Variants in LHX8 observed in about 807,000 individuals in gnomAD.
LHX8 encodes the protein LIM homeobox 8, also known as LIM/homeobox protein Lhx8.
In LHX8, 12 loss-of-function variants were observed where a neutral mutation model predicts 40.3. The observed-to-expected ratio is 0.30, with a 90% CI of 0.19 to 0.48. The LOEUF is 0.48. Among genes scored for constraint, LHX8 ranks in the 20% least tolerant of loss-of-function variants. LHX8 has a pLI of 0.99. For synonymous variants in LHX8, 179 were observed against 162.0 expected (o/e 1.10, Z -0.80); for missense variants, 344 against 433.7 (o/e 0.79, Z 1.84).
chr1:75,182,292 A>G, the LHX8 span, among the ~76,000 whole-genome samples: 1 of 152,138 alleles, frequency 6.6e-6, no homozygotes, highest in East Asian at 1.9e-4. Flanking sequence ...TTGCTTTGTC[A>G]AAGATCAGTT....
At chr1:75,182,390 T>G in the LHX8 span, among the ~76,000 whole-genome samples, 3 of 108,836 alleles carry the variant, frequency 2.8e-5, no homozygotes, top group South Asian at 2.9e-4. Context: ...TTTTTTTTTT[T>G]GAGACCGAGT....
At chr1:75,136,977 CT>C in intron 2 of LHX8, 122 bp from the exon 3 acceptor site, 1 of 628,896 alleles carries the variant, frequency 1.6e-6, no homozygotes, top group Non-Finnish European at 1.9e-6. Context: ...CCTCAAGAAG[CT>C]GGGGGTGGGG....
At chr1:75,137,973 G>T (rs1648202745) in intron 3 of LHX8, among the ~76,000 whole-genome samples, 1 of 152,208 alleles carries the variant, frequency 6.6e-6, no homozygotes, top group Non-Finnish European at 1.5e-5. Context: ...AGTGCTTGGG[G>T]AGAAAATGGA....
chr1:75,192,973 C>T, the LHX8 span, among the ~76,000 whole-genome samples: 1 of 152,190 alleles, frequency 6.6e-6, no homozygotes, highest in Non-Finnish European at 1.5e-5. Context: ...GGATTACAGG[C>T]ATGAGCCACC....
chr1:75,167,493 A>G, the LHX8 span, among the ~76,000 whole-genome samples: 13 of 152,050 alleles, frequency 8.5e-5, no homozygotes, highest in African/African-American at 3.1e-4. Flanking sequence ...TCTTTTCCTG[A>G]CTAACAATTC....
At chr1:75,159,014 C>A (rs1648844239) in intron 8 of LHX8, among the ~76,000 whole-genome samples, 1 of 152,122 alleles carries the variant, frequency 6.6e-6, no homozygotes, top group African/African-American at 2.4e-5. Flanking sequence ...ATCTTTAAAT[C>A]ATCTCATGAT....
chr1:75,159,264 G>T (rs995273599), intron 8 of LHX8: 1 of 151,986 alleles, frequency 6.6e-6, no homozygotes, highest in African/African-American at 2.4e-5. Flanking sequence ...TGACCTTCTT[G>T]CTCCTTCGAA....
intron 3 of LHX8, among the ~76,000 whole-genome samples, chr1:75,138,726 T>A (rs891919346): frequency 2.0e-5 from 3 of 152,220 alleles, no homozygotes; most frequent in African/African-American, 7.2e-5. Context: ...AGGGTTATGA[T>A]GAAGTGACAT....
At chr1:75,133,781 A>C (rs957742810), upstream of LHX8, among the ~76,000 whole-genome samples, 1 of 152,224 alleles carries the variant, frequency 6.6e-6, no homozygotes, top group African/African-American at 2.4e-5. Context: ...TGTCTAGGAG[A>C]TGAAAGAGCA....
chr1:75,169,431 G>C, the LHX8 span, among the ~76,000 whole-genome samples: 1 of 152,158 alleles, frequency 6.6e-6, no homozygotes, highest in African/African-American at 2.4e-5. Flanking sequence ...ACAGTATTTG[G>C]CATATTGTCA....
chr1:75,198,970 TG>T, the LHX8 span, among the ~76,000 whole-genome samples: 1 of 152,216 alleles, frequency 6.6e-6, no homozygotes, highest in Non-Finnish European at 1.5e-5. Flanking sequence ...AAGAGGCAGA[TG>T]TTTTTGAATA....
rs768548369 is a variant in LHX8 at position 75,160,878 on chromosome 1, C to T, written c.1024C>T (p.Pro342Ser). 1.2e-6 allele frequency: 2 copies of T among 1,611,648 alleles called. No individual in the cohort carries two copies. Among genetic ancestry groups the T allele is most frequent in the Middle Eastern group, 1.7e-4 (1 of 6,056 alleles). The change falls in exon 9 of 9, where the codon CCA (proline) becomes TCA (serine). Residue 342 changes from proline to serine, a missense_variant. Pro to Ser is a moderately conservative substitution (Grantham distance 74). Coordinates refer to ENST00000356261, the MANE Select transcript of LHX8 (RefSeq NM_001256114.2). ...GTTACCCCATTCAATGACACAACTG[C>T]CAATAAGTCATACCTAATTCTTTTT... ...PLLPHSMTQLPISHT is the reference protein window; with the variant it reads ...PLLPHSMTQLSISHT
upstream of LHX8, chr1:75,132,359 A>G (rs1488400271): frequency 6.6e-6 from 1 of 152,086 alleles, no homozygotes; most frequent in Non-Finnish European, 1.5e-5. Flanking sequence ...CTCACCGCCC[A>G]GAGGCTTACA....
downstream of LHX8, among the ~76,000 whole-genome samples, chr1:75,165,449 T>C (rs1649012467): frequency 6.6e-6 from 1 of 152,218 alleles, no homozygotes; most frequent in Admixed American, 6.5e-5. Context: ...TGAAAACCAC[T>C]GCAAGGAACT....
At chr1:75,176,040 A>T in the LHX8 span, among the ~76,000 whole-genome samples, 1 of 152,182 alleles carries the variant, frequency 6.6e-6, no homozygotes, top group East Asian at 1.9e-4. Flanking sequence ...CATGGTGTAT[A>T]TGTGCCACAT....
chr1:75,186,196 A>G, the LHX8 span, among the ~76,000 whole-genome samples: 2 of 152,200 alleles, frequency 1.3e-5, no homozygotes, highest in Non-Finnish European at 2.9e-5. Flanking sequence ...AAACGATTTT[A>G]ACATTCATAT....
In LHX8 at chr1:75,143,844, G is replaced by A; in HGVS notation, c.581-1G>A. 6.2e-7 allele frequency: 1 copy of A among 1,610,606 alleles called. No individual in the cohort carries two copies. On this transcript the variant is annotated splice_acceptor_variant, in intron 5 of 8. Transcript: ENST00000356261. LOFTEE classifies it high-confidence loss of function. ...ATATATAGTGTGTTTTTTAAATGCA[G>A]GGAATGGGATTAGTGTGGAAGGTGC...
intron 2 of LHX8, 134 bp from the exon 3 acceptor site, chr1:75,136,966 A>C: frequency 1.1e-6 from 1 of 936,984 alleles, no homozygotes; most frequent in South Asian, 1.8e-5. Context: ...GAGAATCGTG[A>C]CCTCAAGAAG....
chr1:75,199,138 A>T, the LHX8 span, among the ~76,000 whole-genome samples: 1 of 152,170 alleles, frequency 6.6e-6, no homozygotes, highest in Non-Finnish European at 1.5e-5. Flanking sequence ...TTAGCTTATG[A>T]TTTGCTATTG....
Sources: gnomAD v4.1 joint callset for allele counts (sites outside exome capture counted in the v4.1 genomes callset) on GRCh38, gnomAD v4.1.1 for gene constraint, MANE v1.5 for transcripts, NCBI Gene and HGNC (gene_info 2026-07-23, HGNC 2026-07-21) for gene names.